DIP2C: variants seen among roughly 807,000 people sequenced by gnomAD.
DIP2C encodes the protein DIP2 acetate--CoA ligase C (putative).
DIP2C carries 33 observed loss-of-function variants against 192.4 expected under a neutral mutation model. That is an observed-to-expected ratio of 0.17 (90% confidence interval 0.13 to 0.23). The LOEUF (loss-of-function observed/expected upper bound fraction) is 0.23, where lower values mean the gene tolerates loss of function less well. Ranked by LOEUF, DIP2C falls within the 10% of genes least tolerant of loss-of-function variation. DIP2C has a pLI of 1.00. For missense variants in DIP2C, 1,537 were observed against 2,110.1 expected (o/e 0.73, Z 5.32); for synonymous variants, 979 against 864.1 (o/e 1.13, Z -2.33).
chr10:619,070 G>A (rs1853663285), intron 1 of DIP2C, among the ~76,000 whole-genome samples: 1 of 152,190 alleles, frequency 6.6e-6, no homozygotes, highest in African/African-American at 2.4e-5. Context: ...CTCCTGAGCT[G>A]TGTGGCAGGC....
intron 3 of DIP2C, among the ~76,000 whole-genome samples, chr10:463,529 A>G (rs1405359961): frequency 6.6e-6 from 1 of 152,224 alleles, no homozygotes; most frequent in Non-Finnish European, 1.5e-5. Flanking sequence ...TTCCATGCTC[A>G]TGGATAGGAA....
chr10:661,540 T>C (rs1588710601), intron 1 of DIP2C, among the ~76,000 whole-genome samples: 1 of 152,080 alleles, frequency 6.6e-6, no homozygotes, highest in Non-Finnish European at 1.5e-5. Flanking sequence ...CACCCCCTGG[T>C]TTTCAGCAAC....
At chr10:665,148 A>C (rs1857007142) in intron 1 of DIP2C, 1 of 152,234 alleles carries the variant, frequency 6.6e-6, no homozygotes, top group South Asian at 2.1e-4. Context: ...ATAAAACAGA[A>C]AATAAAAATA....
intron 1 of DIP2C, among the ~76,000 whole-genome samples, chr10:518,525 T>C (rs1488028219): frequency 6.6e-6 from 1 of 152,148 alleles, no homozygotes; most frequent in African/African-American, 2.4e-5. Context: ...TGGAGCCCCA[T>C]GAATGGGGTT....
At chr10:560,235 G>A (rs1483393979) in intron 1 of DIP2C, among the ~76,000 whole-genome samples, 1 of 152,198 alleles carries the variant, frequency 6.6e-6, no homozygotes, top group Admixed American at 6.6e-5. Flanking sequence ...CAGGGGTGGA[G>A]AAGACACGCG....
intron 10 of DIP2C, among the ~76,000 whole-genome samples, chr10:395,090 G>A (rs1006030054): frequency 7.8e-6 from 1 of 128,616 alleles, no homozygotes; most frequent in Non-Finnish European, 1.6e-5. Flanking sequence ...TGGTGACCAC[G>A]AGGGCTGGGG....
chr10:342,495 A>AG (rs2132568963), intron 28 of DIP2C, among the ~76,000 whole-genome samples: 1 of 152,262 alleles, frequency 6.6e-6, no homozygotes, highest in South Asian at 2.1e-4. Flanking sequence ...TCCCACAGGT[A>AG]GGGGAGGCAC....
intron 13 of DIP2C, 111 bp downstream of exon 13, chr10:389,879 TG>T: frequency 1.2e-6 from 1 of 829,534 alleles, no homozygotes; most frequent in Non-Finnish European, 2.0e-6. Context: ...TCAGCGGAGC[TG>T]GGCACAAACT....
chr10:384,783 G>C (rs2132903373), intron 14 of DIP2C, 144 bp from the exon 15 acceptor site: 1 of 758,032 alleles, frequency 1.3e-6, no homozygotes, highest in African/African-American at 1.7e-5. Flanking sequence ...CAGGCCCCTG[G>C]AGGCTCCTCA....
At chr10:341,162 A>T in intron 29 of DIP2C, 37 bp downstream of exon 29, 2 of 1,612,206 alleles carry the variant, frequency 1.2e-6, no homozygotes, top group South Asian at 1.1e-5. Context: ...AAGGTGCATG[A>T]TTTTTTTTAA....
intron 14 of DIP2C, among the ~76,000 whole-genome samples, chr10:387,356 G>A (rs1280739805): frequency 6.6e-6 from 1 of 152,190 alleles, no homozygotes; most frequent in East Asian, 1.9e-4. Context: ...ACGATTTTCT[G>A]CTTCACAGTG....
chr10:511,777 C>T (rs1846029552), intron 1 of DIP2C, among the ~76,000 whole-genome samples: 1 of 152,214 alleles, frequency 6.6e-6, no homozygotes, highest in Admixed American at 6.5e-5. Flanking sequence ...GACACACCCA[C>T]AACCGCTTAA....
chr10:449,740 C>G (rs1045490624), intron 3 of DIP2C, among the ~76,000 whole-genome samples: 4 of 146,320 alleles, frequency 2.7e-5, no homozygotes, highest in Non-Finnish European at 5.9e-5. Context: ...ATGTAACTAA[C>G]CTGCACAATG....
At chr10:388,372 A>G (rs1370881382) in intron 13 of DIP2C, among the ~76,000 whole-genome samples, 5 of 152,206 alleles carry the variant, frequency 3.3e-5, no homozygotes, top group African/African-American at 1.2e-4. Context: ...ACCATCACAG[A>G]GCATGCTGGC....
intron 1 of DIP2C, among the ~76,000 whole-genome samples, chr10:592,869 GAC>G (rs1851483001): frequency 6.6e-6 from 1 of 151,596 alleles, no homozygotes; most frequent in East Asian, 1.9e-4. Context: ...GAGCAGGTAT[GAC>G]ACTGCAAGGC....
intron 1 of DIP2C, among the ~76,000 whole-genome samples, chr10:542,843 C>T (rs1439166417): frequency 6.6e-6 from 1 of 152,074 alleles, no homozygotes; most frequent in Admixed American, 6.5e-5. Context: ...CTCCCCCCTT[C>T]TCTATACCAC....
intron 1 of DIP2C, among the ~76,000 whole-genome samples, chr10:561,374 T>C (rs1421762759): frequency 1.3e-5 from 2 of 152,152 alleles, no homozygotes; most frequent in Non-Finnish European, 1.5e-5. Flanking sequence ...GCCACTGGCA[T>C]GGGGACTCCA....
chr10:491,912 A>C (rs1365306493), intron 1 of DIP2C, among the ~76,000 whole-genome samples: 2 of 152,184 alleles, frequency 1.3e-5, no homozygotes, highest in African/African-American at 4.8e-5. Context: ...TGGACCACAG[A>C]AAACCAGGGG....
intron 3 of DIP2C, among the ~76,000 whole-genome samples, chr10:449,786 A>AC: frequency 1.4e-5 from 2 of 140,624 alleles, no homozygotes; most frequent in South Asian, 4.2e-4. Flanking sequence ...TATAATTAAA[A>AC]AAAAAAAAAA....
Sources: allele counts gnomAD v4.1 joint callset (sites outside exome capture counted in the v4.1 genomes callset), GRCh38; gene constraint gnomAD v4.1.1; transcripts MANE v1.5; gene names NCBI Gene and HGNC (gene_info 2026-07-23, HGNC 2026-07-21).